The following SLC2A9 variants were observed in gnomAD, a reference collection of about 807,000 sequenced individuals.
SLC2A9 encodes solute carrier family 2 member 9, also known as solute carrier family 2, facilitated glucose transporter member 9.
In SLC2A9, 39 loss-of-function variants were observed where a neutral mutation model predicts 50.6. That is an observed-to-expected ratio of 0.77 (90% CI 0.60 to 1.01). SLC2A9 has a LOEUF of 1.01. Among genes scored for constraint, SLC2A9 ranks in the 50% least tolerant of loss-of-function variants. SLC2A9 has a pLI of 0.00. For missense variants in SLC2A9, 686 were observed against 677.6 expected (o/e 1.01, Z -0.14); for synonymous variants, 324 against 276.9 (o/e 1.17, Z -1.69).
chr4:9,902,902 T>C (rs1182343607), intron 8 of SLC2A9, among the ~76,000 whole-genome samples: 3 of 152,210 alleles, frequency 2.0e-5, no homozygotes, highest in Admixed American at 6.5e-5. Flanking sequence ...CCCATAACAA[T>C]AGTGAACATT....
downstream of SLC2A9, among the ~76,000 whole-genome samples, chr4:9,821,500 G>T (rs944028566): frequency 6.6e-6 from 1 of 152,138 alleles, no homozygotes; most frequent in Non-Finnish European, 1.5e-5. Context: ...CCTGTCAGGG[G>T]CTGGGGGGCA....
At position 9,945,880 on chromosome 4, in the gene SLC2A9, G is replaced by A. The variant is rs184937580; in HGVS notation, c.682-3835C>T. On this transcript the variant is annotated intron_variant, in intron 5 of 11. Coordinates refer to ENST00000264784, the MANE Select transcript of SLC2A9 (RefSeq NM_020041.3). ...ATGTCTATTGAAGGAGCAAATCAGC[G>A]TGGGAAAGGGCTTTCCTACACACTG... Among the ~76,000 whole-genome samples the A allele has an allele frequency of 3.9e-5, 6 of 152,356 alleles. No individual in the cohort carries two copies. In the East Asian group the frequency reaches 7.7e-4, roughly 20 times the overall value.
chr4:9,791,953 A>C (rs1344456665), intron 3 of SLC2A9, among the ~76,000 whole-genome samples: 1 of 152,110 alleles, frequency 6.6e-6, no homozygotes, highest in Admixed American at 6.6e-5. Flanking sequence ...AAAGGGAGAG[A>C]ACATTTATTG....
chr4:9,882,885 T>A (rs1158555806), intron 10 of SLC2A9, among the ~76,000 whole-genome samples: 1 of 152,100 alleles, frequency 6.6e-6, no homozygotes, highest in Non-Finnish European at 1.5e-5. Context: ...AGCAGAACAA[T>A]AAGGGAGAGT....
intron 3 of SLC2A9, among the ~76,000 whole-genome samples, chr4:9,780,519 G>C (rs1322052688): frequency 6.6e-6 from 1 of 152,218 alleles, no homozygotes; most frequent in Non-Finnish European, 1.5e-5. Context: ...TGTTGGTCCA[G>C]GGTACAGGTG....
At chr4:9,798,182 T>A (rs1432006743), downstream of SLC2A9, among the ~76,000 whole-genome samples, 1 of 152,224 alleles carries the variant, frequency 6.6e-6, no homozygotes, top group Non-Finnish European at 1.5e-5. Flanking sequence ...TGGAGCTCCC[T>A]TTGGGTACCA....
chr4:9,959,887 G>A (rs1306998480), intron 5 of SLC2A9, among the ~76,000 whole-genome samples: 7 of 152,192 alleles, frequency 4.6e-5, no homozygotes, highest in Non-Finnish European at 8.8e-5. Context: ...CTTTCGGGGA[G>A]GGGCTGAGTC....
At chr4:9,948,070 A>G (rs1749523680) in intron 5 of SLC2A9, among the ~76,000 whole-genome samples, 1 of 152,100 alleles carries the variant, frequency 6.6e-6, no homozygotes, top group Admixed American at 6.6e-5. Context: ...CCTCCCACTC[A>G]GGCATGTATG....
intron 10 of SLC2A9, among the ~76,000 whole-genome samples, chr4:9,844,868 A>T (rs1046513440): frequency 9.2e-5 from 14 of 152,248 alleles, no homozygotes; most frequent in African/African-American, 3.4e-4. Context: ...GCATTAAATG[A>T]GACTGTGCTT....
chr4:9,806,186 T>C (rs1367427659), intron 3 of SLC2A9, among the ~76,000 whole-genome samples: 1 of 152,184 alleles, frequency 6.6e-6, no homozygotes, highest in East Asian at 1.9e-4. Context: ...ATAAACAAAA[T>C]CTCTGCAGCA....
At chr4:9,931,940 C>A (rs1370135875) in intron 6 of SLC2A9, among the ~76,000 whole-genome samples, 1 of 58,208 alleles carries the variant, frequency 1.7e-5, no homozygotes, top group African/African-American at 1.0e-4. Context: ...CTCTCTCTCT[C>A]TCTCTCTCTC....
intron 6 of SLC2A9, among the ~76,000 whole-genome samples, chr4:9,940,355 C>T (rs1411827964): frequency 6.6e-6 from 1 of 152,198 alleles, no homozygotes; most frequent in Non-Finnish European, 1.5e-5. Flanking sequence ...CTTCCGTTTC[C>T]TGGTATCTCT....
chr4:9,797,833 C>T (rs576294136), downstream of SLC2A9, among the ~76,000 whole-genome samples: 3 of 152,310 alleles, frequency 2.0e-5, no homozygotes, highest in African/African-American at 7.2e-5. Context: ...ACTCTGCGCC[C>T]AGGCTAGAGT....
chr4:9,788,356 A>ATTTTT (rs36144026), intron 3 of SLC2A9, among the ~76,000 whole-genome samples: 1,575 of 136,860 alleles, frequency 0.012, 42 homozygotes, highest in Non-Finnish European at 0.015. Context: ...TGCCCAGGTA[A>ATTTTT]TTTTTTTTTT....
intron 3 of SLC2A9, among the ~76,000 whole-genome samples, chr4:9,788,440 C>T (rs541132713): frequency 2.4e-4 from 37 of 151,820 alleles, no homozygotes; most frequent in Middle Eastern, 3.4e-3. Flanking sequence ...GACCTCCTGC[C>T]TCAGCCTCCC....
intron 1 of SLC2A9, among the ~76,000 whole-genome samples, chr4:10,039,134 C>A (rs902740060): frequency 6.6e-6 from 1 of 152,234 alleles, no homozygotes. Flanking sequence ...CTCAATGAAT[C>A]TCCGACTTCA....
intron 10 of SLC2A9, chr4:9,879,574 G>C: frequency 1.0e-6 from 1 of 985,358 alleles, no homozygotes; most frequent in Non-Finnish European, 1.2e-6. Flanking sequence ...TCCAAGCAAG[G>C]TATGTGCTGA....
At chr4:9,794,082 C>A (rs1407903082), downstream of SLC2A9, among the ~76,000 whole-genome samples, 2 of 151,994 alleles carry the variant, frequency 1.3e-5, no homozygotes, top group Admixed American at 6.6e-5. Flanking sequence ...AAAAAATGCT[C>A]ATTTACTAGA....
At chr4:9,961,525 C>T (rs183924698) in intron 5 of SLC2A9, among the ~76,000 whole-genome samples, 3 of 152,256 alleles carry the variant, frequency 2.0e-5, no homozygotes, top group East Asian at 1.9e-4. Flanking sequence ...AACTGGACCC[C>T]TTCCTTACAC....
Sources: gnomAD v4.1 joint callset for allele counts (sites outside exome capture counted in the v4.1 genomes callset) on GRCh38, gnomAD v4.1.1 for gene constraint, MANE v1.5 for transcripts, NCBI Gene and HGNC (gene_info 2026-07-23, HGNC 2026-07-21) for gene names.